MYO5B: variants seen among roughly 807,000 people sequenced by gnomAD.
MYO5B encodes myosin VB.
MYO5B carries 143 observed loss-of-function variants against 229.3 expected under a neutral mutation model. The observed-to-expected ratio is 0.62, with a 90% confidence interval of 0.54 to 0.72. The LOEUF is 0.72. MYO5B is among the 30% of genes least tolerant of loss of function. The pLI is 0.00. For synonymous variants in MYO5B, 918 were observed against 885.2 expected (o/e 1.04, Z -0.66); for missense variants, 2,321 against 2,331.0 (o/e 1.00, Z 0.09).
intron 39 of MYO5B, among the ~76,000 whole-genome samples, chr18:49,833,828 A>G (rs1026248015): frequency 6.6e-6 from 1 of 152,192 alleles, no homozygotes; most frequent in Admixed American, 6.5e-5. Context: ...GCTGACTATG[A>G]GCATCCTAAC....
rs117127415 is a variant in MYO5B, at chr18:50,130,648, A to G, written c.27+64119T>C. 2.6e-5 allele frequency among the ~76,000 whole-genome samples: 4 copies of G among 152,334 alleles called. No individual in the cohort carries two copies. The East Asian group carries it at 7.7e-4, about 29-fold the overall frequency. ...CCCTCCGTGGATTTATTGTTTAATC[A>G]TGAACACCAGGCCTGAATTCTAAGA... On this transcript the variant is annotated intron_variant, in intron 1 of 39. Coordinates refer to ENST00000285039, the MANE Select transcript of MYO5B (RefSeq NM_001080467.3).
chr18:49,874,628 T>C (rs2024495241), intron 26 of MYO5B, among the ~76,000 whole-genome samples: 1 of 152,094 alleles, frequency 6.6e-6, no homozygotes, highest in Non-Finnish European at 1.5e-5. Flanking sequence ...GGAATACAGG[T>C]GTTGCAAAAA....
chr18:49,945,290 C>T (rs1050578070), intron 14 of MYO5B, among the ~76,000 whole-genome samples: 2 of 152,180 alleles, frequency 1.3e-5, no homozygotes, highest in Non-Finnish European at 1.5e-5. Context: ...TTCCAGCTCG[C>T]TCTTCTTTCC....
chr18:50,030,876 GAAAAAAAAA>G (rs869189090), intron 4 of MYO5B, among the ~76,000 whole-genome samples: 1 of 30,500 alleles, frequency 3.3e-5, no homozygotes, highest in African/African-American at 1.2e-4. Flanking sequence ...CTCCCTTTCA[GAAAAAAAAA>G]AAAAAAAAAA....
At chr18:49,864,109 G>C in intron 28 of MYO5B, 32 bp downstream of exon 28, 4 of 1,602,386 alleles carry the variant, frequency 2.5e-6, no homozygotes, top group Non-Finnish European at 3.4e-6. Flanking sequence ...GTCACCCCTC[G>C]GCAGCCCCAC....
At chr18:49,926,100 G>A (rs2025125894) in intron 17 of MYO5B, among the ~76,000 whole-genome samples, 2 of 152,194 alleles carry the variant, frequency 1.3e-5, no homozygotes, top group South Asian at 4.1e-4. Context: ...GACAGATGTG[G>A]TTGAAAAGAA....
At chr18:49,831,496 C>A (rs1305914142) in intron 39 of MYO5B, among the ~76,000 whole-genome samples, 1 of 151,974 alleles carries the variant, frequency 6.6e-6, no homozygotes, top group African/African-American at 2.4e-5. Context: ...ATATACATGG[C>A]CAATAGGCAC....
rs1217633 is a variant in MYO5B, at chr18:49,880,568, T to C, written c.3046-113A>G. The C allele has an allele frequency of 0.6, 531,935 of 879,670 alleles. 162,223 individuals carry two copies. The highest frequency in any genetic ancestry group is 0.65 in the Middle Eastern group (3,003 of 4,608). 54.5% of individuals were successfully genotyped at this position (879,670 alleles called of 1,614,324 possible). On this transcript the variant is annotated intron_variant, in intron 22 of 39. Transcript: ENST00000285039. Reference sequence around the variant, plus strand: ...ATGTAAATGCTCTTTTTAAGAAAATTGATTTGGTTAAAGCTTCTTTTGTTT... The same window carrying C: ...ATGTAAATGCTCTTTTTAAGAAAATCGATTTGGTTAAAGCTTCTTTTGTTT...
chr18:50,146,429 C>T (rs2032503795), intron 1 of MYO5B, among the ~76,000 whole-genome samples: 1 of 152,226 alleles, frequency 6.6e-6, no homozygotes, highest in Non-Finnish European at 1.5e-5. Flanking sequence ...CGCTGGAGTG[C>T]CAGCAGCTTC....
rs1472227671 is a variant in MYO5B at position 50,014,580 on chromosome 18, C to G, written c.456-13169G>C. On this transcript the variant is annotated intron_variant, in intron 4 of 39. Transcript: ENST00000285039. ...TGTAATGCGGCACCTACCGCCCTAT[C>G]TCCTGCAGTAAATGAAGCCCAGACT... Among the ~76,000 whole-genome samples the G allele has an allele frequency of 7.2e-5, 11 of 152,200 alleles. No homozygotes were observed. In the East Asian group the frequency reaches 2.1e-3, roughly 29 times the overall value.
chr18:49,847,629 C>G (rs1190111772), intron 32 of MYO5B, among the ~76,000 whole-genome samples: 1 of 152,186 alleles, frequency 6.6e-6, no homozygotes, highest in Non-Finnish European at 1.5e-5. Context: ...CCAGCATGGT[C>G]TCTCACCGCT....
At chr18:50,091,520 G>T (rs987198722) in intron 1 of MYO5B, among the ~76,000 whole-genome samples, 2 of 152,110 alleles carry the variant, frequency 1.3e-5, no homozygotes, top group African/African-American at 4.8e-5. Context: ...ACCATCCTAT[G>T]GGGTAGGTAT....
In MYO5B at chr18:49,954,336, T is replaced by C. The variant is rs780089668; in HGVS notation, c.1645A>G (p.Ile549Val). Residue 549 changes from isoleucine (I) to valine (V), a missense_variant, in exon 13 of 40, where the codon ATC becomes GTC. By Grantham distance (29) the Ile-to-Val change is conservative. Transcript: ENST00000285039. Reference sequence around the variant, plus strand: ...ACCTTGTCTGCAAAGTGGACGATGATGAAGGCCGTGTTGGACATGCGGGGC... The same window carrying C: ...ACCTTGTCTGCAAAGTGGACGATGACGAAGGCCGTGTTGGACATGCGGGGC... ...QKPRMSNTAFIIVHFADKVEY... is the reference protein window; with the variant it reads ...QKPRMSNTAFVIVHFADKVEY... 2.5e-6 allele frequency: 4 copies of C among 1,614,010 alleles called. No individual in the cohort carries two copies. The highest frequency in any genetic ancestry group is 1.7e-6 in the Non-Finnish European group (2 of 1,179,956).
chr18:49,884,658 G>C (rs921703227), intron 22 of MYO5B, among the ~76,000 whole-genome samples: 1 of 152,128 alleles, frequency 6.6e-6, no homozygotes, highest in African/African-American at 2.4e-5. Context: ...ATGAAGCCTT[G>C]CTCACTTGCC....
At chr18:50,015,863 A>G (rs1373202849) in intron 4 of MYO5B, among the ~76,000 whole-genome samples, 1 of 152,210 alleles carries the variant, frequency 6.6e-6, no homozygotes, top group Non-Finnish European at 1.5e-5. Context: ...ATTGTGCTCC[A>G]TGGGATATTT....
chr18:49,961,645 GGA>G (rs1291174487), intron 12 of MYO5B, among the ~76,000 whole-genome samples: 6 of 152,276 alleles, frequency 3.9e-5, no homozygotes, highest in Non-Finnish European at 7.3e-5. Context: ...CACTCCACTG[GGA>G]GAGATTTTGC....
intron 1 of MYO5B, among the ~76,000 whole-genome samples, chr18:50,076,295 A>C (rs1003752783): frequency 6.6e-6 from 1 of 152,164 alleles, no homozygotes; most frequent in African/African-American, 2.4e-5. Flanking sequence ...GTAAGCTGAC[A>C]AGGTTGAGGA....
At chr18:49,913,708 G>A (rs2024982554) in intron 17 of MYO5B, among the ~76,000 whole-genome samples, 1 of 152,082 alleles carries the variant, frequency 6.6e-6, no homozygotes, top group Non-Finnish European at 1.5e-5. Flanking sequence ...AATGAGGATG[G>A]GCATTCCTGT....
intron 18 of MYO5B, among the ~76,000 whole-genome samples, chr18:49,908,450 T>C (rs2024924070): frequency 6.6e-6 from 1 of 152,188 alleles, no homozygotes; most frequent in South Asian, 2.1e-4. Flanking sequence ...TCACAGATGA[T>C]AAAACTGAAG....
Sources: allele counts gnomAD v4.1 joint callset (sites outside exome capture counted in the v4.1 genomes callset), GRCh38; gene constraint gnomAD v4.1.1; transcripts MANE v1.5; gene names NCBI Gene and HGNC (gene_info 2026-07-23, HGNC 2026-07-21).